GNG2: variants seen among roughly 807,000 people sequenced by gnomAD.
GNG2 encodes the protein G protein subunit gamma 2.
In GNG2, 5 loss-of-function variants were observed where a neutral mutation model predicts 5.5. The ratio of observed to expected loss-of-function variants is 0.91; its 90% CI spans 0.48 to 1.92. GNG2 has a LOEUF of 1.92. GNG2 is among the 30% of genes most tolerant of loss of function. The pLI is 0.01. For missense variants in GNG2, 55 were observed against 88.4 expected, an observed-to-expected ratio of 0.62 and a Z score of 1.52; for synonymous variants, 28 against 32.0, an observed-to-expected ratio of 0.88 and a Z score of 0.42.
chr14:51,855,099 T>C (rs1350831265), intron 2 of GNG2, among the ~76,000 whole-genome samples: 1 of 152,158 alleles, frequency 6.6e-6, no homozygotes, highest in Non-Finnish European at 1.5e-5. Context: ...AGTGTATGTA[T>C]ATATGCAACA....
chr14:51,916,601 AG>A, intron 2 of GNG2: 1 of 408,844 alleles, frequency 2.4e-6, no homozygotes, highest in Non-Finnish European at 4.8e-6. Context: ...GTGGCCATTG[AG>A]GGGGAGGAAG....
intron 2 of GNG2, among the ~76,000 whole-genome samples, chr14:51,887,168 T>C (rs983990258): frequency 6.6e-6 from 1 of 152,170 alleles, no homozygotes; most frequent in Non-Finnish European, 1.5e-5. Flanking sequence ...AACCACCCTA[T>C]GCTTTCCTTA....
chr14:51,931,986 C>G (rs1253701), intron 2 of GNG2, among the ~76,000 whole-genome samples: 85,352 of 151,674 alleles, frequency 0.56, 24,471 homozygotes, highest in African/African-American at 0.65. Context: ...GTGGCTCACG[C>G]CTGTAATCCC....
chr14:51,878,856 T>G (rs1883854548), intron 2 of GNG2, among the ~76,000 whole-genome samples: 1 of 152,242 alleles, frequency 6.6e-6, no homozygotes, highest in Non-Finnish European at 1.5e-5. Context: ...CAAATGTTAC[T>G]AATAATGACT....
chr14:51,929,793 G>A lies in GNG2; in HGVS notation c.-29-20857G>A, dbSNP rs145524788. 4.3e-3 allele frequency among the ~76,000 whole-genome samples: 659 copies of A among 152,258 alleles called. 2 individuals are homozygous for A. The highest frequency in any genetic ancestry group is 0.027 in the Middle Eastern group (8 of 294). ...AACACACAAGGACAATATGAGGCTG[G>A]CGTCGAGAGAAGAGGCTGGCAACAG... On this transcript the variant is annotated intron_variant, in intron 2 of 3. Coordinates refer to ENST00000556766, the MANE Select transcript of GNG2 (RefSeq NM_053064.5).
intron 2 of GNG2, among the ~76,000 whole-genome samples, chr14:51,889,109 CTTTTT>C (rs1173479215): frequency 8.4e-6 from 1 of 118,934 alleles, no homozygotes; most frequent in Non-Finnish European, 1.8e-5. Context: ...TGGGTTTGCG[CTTTTT>C]TTTTTTTTTT....
chr14:51,884,332 A>T (rs1273746688), intron 2 of GNG2, among the ~76,000 whole-genome samples: 1 of 152,228 alleles, frequency 6.6e-6, no homozygotes, highest in African/African-American at 2.4e-5. Flanking sequence ...GTTAACATTT[A>T]TATGCGGAAC....
intron 2 of GNG2, among the ~76,000 whole-genome samples, chr14:51,841,972 G>A (rs1270163374): frequency 1.3e-5 from 2 of 152,194 alleles, no homozygotes; most frequent in Non-Finnish European, 2.9e-5. Context: ...AAGGAATACA[G>A]GCTGGTCTCT....
intron 2 of GNG2, among the ~76,000 whole-genome samples, chr14:51,919,378 C>T (rs998893897): frequency 2.0e-5 from 3 of 152,146 alleles, no homozygotes; most frequent in African/African-American, 7.2e-5. Context: ...TGTTTTTGAA[C>T]ATCTTTAAAG....
intron 2 of GNG2, among the ~76,000 whole-genome samples, chr14:51,895,246 G>T (rs1218698536): frequency 1.3e-5 from 2 of 152,118 alleles, no homozygotes; most frequent in African/African-American, 2.4e-5. Context: ...AAATTGGATA[G>T]CTTAAATAAA....
chr14:51,880,988 A>AG (rs1884031493), intron 2 of GNG2, among the ~76,000 whole-genome samples: 1 of 148,504 alleles, frequency 6.7e-6, no homozygotes, highest in Non-Finnish European at 1.5e-5. Context: ...AAAAAAAAAA[A>AG]CCCTGAGATT....
At chr14:51,901,963 T>TAAAAAAAAAAAAAA in intron 2 of GNG2, among the ~76,000 whole-genome samples, 1 of 56,428 alleles carries the variant, frequency 1.8e-5, no homozygotes, top group Non-Finnish European at 3.2e-5. Flanking sequence ...TAACAATCTG[T>TAAAAAAAAAAAAAA]AAAAAAAAAA....
intron 2 of GNG2, among the ~76,000 whole-genome samples, chr14:51,882,467 T>C (rs1233667961): frequency 1.3e-5 from 2 of 152,204 alleles, no homozygotes; most frequent in South Asian, 2.1e-4. Context: ...TTGGATGTCA[T>C]AGTGTCTGCA....
At chr14:51,836,097 C>A (rs1024856069) in intron 2 of GNG2, among the ~76,000 whole-genome samples, 1 of 151,392 alleles carries the variant, frequency 6.6e-6, no homozygotes, top group Admixed American at 6.6e-5. Context: ...TCCTAGTTTG[C>A]GGAAGGCTGT....
At chr14:51,849,471 G>T (rs1881807559) in intron 2 of GNG2, among the ~76,000 whole-genome samples, 1 of 152,230 alleles carries the variant, frequency 6.6e-6, no homozygotes, top group Non-Finnish European at 1.5e-5. Context: ...CCATCTTGGA[G>T]AGCAAAGCAA....
chr14:51,933,833 C>T (rs976000592), intron 2 of GNG2, among the ~76,000 whole-genome samples: 7 of 152,086 alleles, frequency 4.6e-5, no homozygotes, highest in African/African-American at 1.7e-4. Context: ...AAGCAGCGAG[C>T]TCACCAGCTG....
chr14:51,837,192 A>T (rs1881356220), intron 2 of GNG2, among the ~76,000 whole-genome samples: 1 of 152,194 alleles, frequency 6.6e-6, no homozygotes, highest in Admixed American at 6.5e-5. Context: ...AATAAAAATA[A>T]ACTGGAAAAT....
At chr14:51,898,318 A>G (rs1885336001) in intron 2 of GNG2, among the ~76,000 whole-genome samples, 1 of 152,210 alleles carries the variant, frequency 6.6e-6, no homozygotes, top group Non-Finnish European at 1.5e-5. Context: ...TTTTAAGGGT[A>G]GAAGTAGCCC....
chr14:51,861,584 C>T (rs1032315797), intron 1 of GNG2, among the ~76,000 whole-genome samples: 13 of 152,174 alleles, frequency 8.5e-5, no homozygotes, highest in African/African-American at 2.9e-4. Flanking sequence ...TGTTTCCTTA[C>T]GCGAATATCT....
Sources: gnomAD v4.1 joint callset for allele counts (sites outside exome capture counted in the v4.1 genomes callset) on GRCh38, gnomAD v4.1.1 for gene constraint, MANE v1.5 for transcripts, NCBI Gene and HGNC (gene_info 2026-07-23, HGNC 2026-07-21) for gene names.